DLG2: variants seen among roughly 807,000 people sequenced by gnomAD.
The protein encoded by DLG2 is discs large MAGUK scaffold protein 2.
In DLG2, 45 loss-of-function variants were observed where a neutral mutation model predicts 132.5. That is an observed-to-expected ratio of 0.34 (90% CI 0.27 to 0.44). The LOEUF is 0.44. DLG2 is among the 20% of genes least tolerant of loss of function. The pLI is 1.00. For missense variants in DLG2, 1,045 were observed against 1,196.9 expected (o/e 0.87, Z 1.87); for synonymous variants, 424 against 419.6 (o/e 1.01, Z -0.13).
At chr11:84,480,534 TTACAAAAAAAGA>T (rs1424233731) in intron 7 of DLG2, among the ~76,000 whole-genome samples, 3 of 149,990 alleles carry the variant, frequency 2.0e-5, no homozygotes, top group Non-Finnish European at 2.9e-5. Flanking sequence ...AACATAAGTT[TTACAAAAAAAGA>T]AAAAAAGAAA....
chr11:85,058,963 C>A (rs1038968449), intron 6 of DLG2, among the ~76,000 whole-genome samples: 11 of 150,798 alleles, frequency 7.3e-5, no homozygotes, highest in Non-Finnish European at 1.3e-4. Context: ...CTAAAAAGGA[C>A]ACAAAAGGCA....
chr11:84,321,064 C>A (rs1266545910), intron 7 of DLG2, among the ~76,000 whole-genome samples: 1 of 152,206 alleles, frequency 6.6e-6, no homozygotes, highest in South Asian at 2.1e-4. Flanking sequence ...AAGTGCTAAA[C>A]TATACTTCTA....
intron 6 of DLG2, among the ~76,000 whole-genome samples, chr11:84,705,051 T>C (rs1428264981): frequency 6.6e-6 from 1 of 151,666 alleles, no homozygotes; most frequent in Non-Finnish European, 1.5e-5. Context: ...ACTTTTTAGC[T>C]GGTTGCTCTT....
At chr11:84,420,257 T>C (rs2098944070) in intron 7 of DLG2, among the ~76,000 whole-genome samples, 1 of 152,204 alleles carries the variant, frequency 6.6e-6, no homozygotes, top group Non-Finnish European at 1.5e-5. Context: ...GGAGGAAATA[T>C]GCAAGACTGC....
At chr11:83,855,568 GA>G (rs889284502) in intron 16 of DLG2, among the ~76,000 whole-genome samples, 3 of 152,184 alleles carry the variant, frequency 2.0e-5, no homozygotes, top group African/African-American at 7.2e-5. Context: ...AAGCCAATCT[GA>G]AAAGGCTACA....
At chr11:84,865,099 T>C (rs1172656592) in intron 6 of DLG2, among the ~76,000 whole-genome samples, 1 of 152,126 alleles carries the variant, frequency 6.6e-6, no homozygotes, top group Non-Finnish European at 1.5e-5. Flanking sequence ...AACAAATATA[T>C]AAAAGGTTAC....
intron 6 of DLG2, among the ~76,000 whole-genome samples, chr11:84,862,802 C>T (rs570749389): frequency 5.7e-4 from 59 of 103,942 alleles, no homozygotes; most frequent in African/African-American, 2.4e-3. Context: ...GGGGACATCA[C>T]ACACCAGGTC....
chr11:85,008,678 CATAA>C (rs905765685), intron 6 of DLG2, among the ~76,000 whole-genome samples: 17 of 151,966 alleles, frequency 1.1e-4, no homozygotes, highest in Non-Finnish European at 1.5e-5. Flanking sequence ...TCATTCAATG[CATAA>C]ATATTTATTA....
chr11:85,349,100 T>C (rs1022893911), intron 3 of DLG2, among the ~76,000 whole-genome samples: 18 of 152,192 alleles, frequency 1.2e-4, no homozygotes, highest in Non-Finnish European at 5.9e-5. Flanking sequence ...TTTATAGCTT[T>C]CTTTCTTTGG....
intron 5 of DLG2, among the ~76,000 whole-genome samples, chr11:85,117,932 C>T (rs1023790987): frequency 6.6e-6 from 1 of 151,970 alleles, no homozygotes; most frequent in African/African-American, 2.4e-5. Flanking sequence ...GACATTAAGC[C>T]ATTTTAAACA....
intron 6 of DLG2, among the ~76,000 whole-genome samples, chr11:84,966,660 A>G (rs1332131477): frequency 2.0e-5 from 3 of 152,150 alleles, no homozygotes; most frequent in African/African-American, 7.2e-5. Flanking sequence ...GACACTATGT[A>G]TGGTTAATTA....
At chr11:85,531,760 C>T (rs1228276771) in intron 3 of DLG2, among the ~76,000 whole-genome samples, 3 of 152,062 alleles carry the variant, frequency 2.0e-5, no homozygotes, top group Non-Finnish European at 4.4e-5. Flanking sequence ...ACACACGCTG[C>T]AAGATAAAAT....
intron 6 of DLG2, among the ~76,000 whole-genome samples, chr11:84,942,942 T>C (rs2049652982): frequency 2.6e-5 from 4 of 152,240 alleles, no homozygotes; most frequent in African/African-American, 9.6e-5. Flanking sequence ...TATATCCTCT[T>C]GCTGACTTGA....
intron 4 of DLG2, among the ~76,000 whole-genome samples, chr11:85,196,384 T>C (rs1036621272): frequency 3.3e-4 from 50 of 152,330 alleles, no homozygotes; most frequent in African/African-American, 1.2e-3. Flanking sequence ...ATAAATAACA[T>C]GCAAAGTATG....
intron 19 of DLG2, among the ~76,000 whole-genome samples, chr11:83,589,292 T>G (rs2097146674): frequency 6.7e-6 from 1 of 149,864 alleles, no homozygotes; most frequent in Non-Finnish European, 1.5e-5. Flanking sequence ...AGCAGATCTC[T>G]CGGCAGAAAC....
chr11:84,815,910 T>C (rs974354401), intron 6 of DLG2, among the ~76,000 whole-genome samples: 1 of 152,044 alleles, frequency 6.6e-6, no homozygotes, highest in African/African-American at 2.4e-5. Context: ...GCATTTTTCA[T>C]GTATCAGGCT....
intron 3 of DLG2, among the ~76,000 whole-genome samples, chr11:85,466,451 T>A (rs1054995349): frequency 6.6e-6 from 1 of 152,234 alleles, no homozygotes; most frequent in Non-Finnish European, 1.5e-5. Context: ...AGGTCTAATA[T>A]GTAAGTCTTT....
chr11:84,676,431 A>G (rs1029542331), intron 6 of DLG2, among the ~76,000 whole-genome samples: 3 of 152,108 alleles, frequency 2.0e-5, no homozygotes, highest in African/African-American at 7.2e-5. Flanking sequence ...AAACCCAGAA[A>G]GGTTAGATGT....
intron 4 of DLG2, among the ~76,000 whole-genome samples, chr11:85,207,907 G>A (rs553497111): frequency 6.6e-6 from 1 of 151,382 alleles, no homozygotes; most frequent in African/African-American, 2.4e-5. Flanking sequence ...CTGGTAAACT[G>A]CTTTTTATCC....
Sources: allele counts gnomAD v4.1 joint callset (sites outside exome capture counted in the v4.1 genomes callset), GRCh38; gene constraint gnomAD v4.1.1; transcripts MANE v1.5; gene names NCBI Gene and HGNC (gene_info 2026-07-23, HGNC 2026-07-21).